Variants in MLYCD observed in about 807,000 individuals in gnomAD.
MLYCD encodes the protein malonyl-CoA decarboxylase.
In MLYCD, 27 loss-of-function variants were observed where a neutral mutation model predicts 35.8. The observed-to-expected ratio is 0.75, with a 90% CI of 0.56 to 1.04. The LOEUF (loss-of-function observed/expected upper bound fraction) is 1.04. Among genes scored for constraint, MLYCD ranks in the 50% least tolerant of loss-of-function variants. The probability of loss-of-function intolerance (pLI) is 0.00; values close to 1 mark genes in which losing one functional copy is unlikely to be tolerated. For missense variants in MLYCD, 917 were observed against 665.1 expected (o/e 1.38, Z -4.17); for synonymous variants, 403 against 302.4 (o/e 1.33, Z -3.45).
intron 1 of MLYCD, among the ~76,000 whole-genome samples, chr16:83,901,025 A>G (rs1455445034): frequency 6.6e-6 from 1 of 152,186 alleles, no homozygotes; most frequent in East Asian, 1.9e-4. Context: ...AATTGGGCAT[A>G]ATTAAGTATG....
chr16:83,918,093 G>A lies in MLYCD; in HGVS notation c.*2604G>A, dbSNP rs1427339237. ...GTGTTCAAATCCATTTTACTATTGC[G>A]GCCAAGGAGCCCTCCCTCCAGCAAG... On this transcript the variant is annotated 3_prime_UTR_variant, in exon 5 of 5. Transcript: ENST00000262430. 5 of 152,336 alleles carry A rather than the reference G, an allele frequency of 3.3e-5. No individual in the cohort carries two copies. The highest frequency in any genetic ancestry group is 4.1e-4 in the South Asian group (2 of 4,822). 9.4% of individuals were successfully genotyped at this position (152,336 alleles called of 1,614,324 possible). A position where few individuals can be genotyped will look rare whatever the true frequency, so the allele number is the denominator to read the frequency against.
At position 83,925,906 on chromosome 16, in the gene MLYCD, G is replaced by C. The variant is rs551498186; in HGVS notation, c.*10417G>C. 6.6e-6 allele frequency: 1 copy of C among 152,426 alleles called. No individual in the cohort carries two copies. The highest frequency in any genetic ancestry group is 2.4e-5 in the African/African-American group (1 of 41,432). The allele number at this position is 152,426 out of a possible 1,614,324, so 9.4% of individuals were successfully genotyped here. A position where few individuals can be genotyped will look rare whatever the true frequency, so the allele number is the denominator to read the frequency against. On this transcript the variant is annotated 3_prime_UTR_variant, in exon 5 of 5. Transcript: ENST00000262430. ...TTCTCACTGGGGCCTCTCCTTCCTG[G>C]TAGCTTCTAAACAAGGCAGTTTCAT...
At chr16:83,910,427 C>T (rs1907133079) in intron 3 of MLYCD, among the ~76,000 whole-genome samples, 1 of 152,028 alleles carries the variant, frequency 6.6e-6, no homozygotes, top group South Asian at 2.1e-4. Context: ...TGACTCGCGC[C>T]CAGAATCCCA....
Position 83,919,139 on chromosome 16 carries a change from C to T in MLYCD, c.*3650C>T, listed in dbSNP as rs1907551392. The T allele has an allele frequency of 6.7e-6, 1 of 149,796 alleles. No individual in the cohort carries two copies. Among genetic ancestry groups the T allele is most frequent in the African/African-American group, 2.5e-5 (1 of 40,266 alleles). The allele number at this position is 149,796 out of a possible 1,614,324, so 9.3% of individuals were successfully genotyped here. ...ACAGTGCACAGGAGAACACACAGTG[C>T]ACAGGAGAACACAGTGCACAGGAGA... On this transcript the variant is annotated 3_prime_UTR_variant, in exon 5 of 5. Transcript: ENST00000262430.
chr16:83,903,323 G>C (rs1254972078), intron 1 of MLYCD, among the ~76,000 whole-genome samples: 1 of 152,168 alleles, frequency 6.6e-6, no homozygotes, highest in Non-Finnish European at 1.5e-5. Flanking sequence ...GTTGGTTCTA[G>C]TAAATTCTGT....
chr16:83,904,785 C>T (rs1381880842), intron 1 of MLYCD, among the ~76,000 whole-genome samples: 1 of 152,186 alleles, frequency 6.6e-6, no homozygotes, highest in African/African-American at 2.4e-5. Context: ...GCTTCCAGTG[C>T]TGAGGGTCAC....
rs981814585 is a variant in MLYCD at position 83,926,570 on chromosome 16, C to A, written c.*11081C>A. On this transcript the variant is annotated 3_prime_UTR_variant, in exon 5 of 5. Transcript: ENST00000262430. ...GCAGGCTAGACAGCGTTCCCCAAGT[C>A]CCCCCTTGAGCTGGGTGGGCTGCCC... 2.6e-5 allele frequency: 4 copies of A among 152,290 alleles called. No homozygotes were observed. Among genetic ancestry groups the A allele is most frequent in the African/African-American group, 9.6e-5 (4 of 41,464 alleles). The allele number at this position is 152,290 out of a possible 1,614,324, so 9.4% of individuals were successfully genotyped here. A position where few individuals can be genotyped will look rare whatever the true frequency, so the allele number is the denominator to read the frequency against.
At chr16:83,911,137 C>T (rs562232924) in intron 3 of MLYCD, among the ~76,000 whole-genome samples, 10 of 152,176 alleles carry the variant, frequency 6.6e-5, no homozygotes, top group East Asian at 3.9e-4. Context: ...CCACCATGCC[C>T]GGCTCATTTT....
intron 4 of MLYCD, 192 bp from the exon 5 acceptor site, chr16:83,914,764 G>C (rs541655628): frequency 1.3e-6 from 1 of 778,044 alleles, no homozygotes; most frequent in African/African-American, 1.7e-5. Flanking sequence ...GGGCAATAGA[G>C]CAAGACCCTG....
At chr16:83,901,831 G>T (rs79381308) in intron 1 of MLYCD, among the ~76,000 whole-genome samples, 32,593 of 151,892 alleles carry the variant, frequency 0.21, 4,366 homozygotes, top group African/African-American at 0.38. Flanking sequence ...GCTATTTACA[G>T]AAGGGAAAAA....
chr16:83,907,300 A>G (rs185884339), intron 2 of MLYCD, among the ~76,000 whole-genome samples: 2 of 152,306 alleles, frequency 1.3e-5, no homozygotes, highest in East Asian at 3.9e-4. Context: ...ACGAAAGGGC[A>G]CCAAGAGAAA....
intron 4 of MLYCD, 112 bp downstream of exon 4, chr16:83,912,479 G>A: frequency 7.0e-7 from 1 of 1,427,744 alleles, no homozygotes; most frequent in Non-Finnish European, 9.7e-7. Flanking sequence ...AGGAGCTAAA[G>A]GGAGGGGCAG....
At chr16:83,912,439 T>A in intron 4 of MLYCD, 72 bp downstream of exon 4, 2 of 1,592,888 alleles carry the variant, frequency 1.3e-6, no homozygotes, top group Non-Finnish European at 1.7e-6. Flanking sequence ...TCGTGGGGTG[T>A]CAGGTGCCAT....
Position 83,920,252 on chromosome 16 carries a change from C to A in MLYCD, c.*4763C>A, listed in dbSNP as rs538144033. On this transcript the variant is annotated 3_prime_UTR_variant, in exon 5 of 5. Coordinates refer to ENST00000262430, the MANE Select transcript of MLYCD (RefSeq NM_012213.3). ...CCATTCATAGAGCCCATTCTGTTTG[C>A]GATAAAAACAGATCTCCTCCAGCTC... is the stretch of plus-strand genomic sequence containing the variant. The A allele has an allele frequency of 1.3e-5, 2 of 152,180 alleles. No homozygotes were observed. The highest frequency in any genetic ancestry group is 4.8e-5 in the African/African-American group (2 of 41,430). The allele number at this position is 152,180 out of a possible 1,614,324, so 9.4% of individuals were successfully genotyped here.
rs747528933 is a variant in MLYCD, at chr16:83,912,204, T to G, written c.799-14T>G. On this transcript the variant is annotated splice_polypyrimidine_tract_variant and intron_variant, in intron 3 of 4. Coordinates refer to ENST00000262430, the MANE Select transcript of MLYCD (RefSeq NM_012213.3). Reference sequence around the variant, plus strand: ...GGCCAGGCCACCCTTAGAACCATCGTTGGTGTTTTCCAGGCAATCGTGAAG... The same window carrying G: ...GGCCAGGCCACCCTTAGAACCATCGGTGGTGTTTTCCAGGCAATCGTGAAG... 1.2e-6 allele frequency: 2 copies of G among 1,614,102 alleles called. No homozygotes were observed. Among genetic ancestry groups the G allele is most frequent in the Admixed American group, 3.3e-5 (2 of 60,020 alleles).
At position 83,921,780 on chromosome 16, in the gene MLYCD, C is replaced by G. The variant is rs3743624; in HGVS notation, c.*6291C>G. The G allele has an allele frequency of 1.3e-5, 2 of 151,918 alleles. No homozygotes were observed. Among genetic ancestry groups the G allele is most frequent in the East Asian group, 1.9e-4 (1 of 5,188 alleles). 9.4% of individuals were successfully genotyped at this position (151,918 alleles called of 1,614,324 possible). On this transcript the variant is annotated 3_prime_UTR_variant, in exon 5 of 5. Transcript: ENST00000262430. ...GATGATCTGACCACCCATTCTTACA[C>G]ATGTCATCTTTCCCACAGTGGCAGT... is the stretch of plus-strand genomic sequence containing the variant.
At chr16:83,908,531 A>G (rs977697317) in intron 3 of MLYCD, among the ~76,000 whole-genome samples, 5 of 152,332 alleles carry the variant, frequency 3.3e-5, no homozygotes, top group East Asian at 1.9e-4. Context: ...GTTGAGATAC[A>G]GTTAAAGTCT....
rs1300562857 is a variant in MLYCD at position 83,916,873 on chromosome 16, GTC to G, written c.*1388_*1389del. On this transcript the variant is annotated 3_prime_UTR_variant, in exon 5 of 5. Coordinates refer to ENST00000262430, the MANE Select transcript of MLYCD (RefSeq NM_012213.3). ...CACGTCTGTGTGCGTGTGCCCGAGC[GTC>G]TCTGTGTGGATCAGTGCACGTCTGT... The G allele has an allele frequency of 1.4e-5, 2 of 139,420 alleles. No homozygotes were observed. The highest frequency in any genetic ancestry group is 2.7e-5 in the African/African-American group (1 of 36,456). The allele number at this position is 139,420 out of a possible 1,614,324, so 8.6% of individuals were successfully genotyped here.
chr16:83,910,581 T>A (rs1597292609), intron 3 of MLYCD, among the ~76,000 whole-genome samples: 1 of 151,728 alleles, frequency 6.6e-6, no homozygotes, highest in African/African-American at 2.4e-5. Flanking sequence ...CCCCAGCTAC[T>A]TGGGAGGCTG....
Sources: gnomAD v4.1 joint callset for allele counts (sites outside exome capture counted in the v4.1 genomes callset) on GRCh38, gnomAD v4.1.1 for gene constraint, MANE v1.5 for transcripts, NCBI Gene and HGNC (gene_info 2026-07-23, HGNC 2026-07-21) for gene names.